ELF5: variants seen among roughly 807,000 people sequenced by gnomAD.
ELF5 encodes the protein E74 like ETS transcription factor 5, also known as ETS-related transcription factor Elf-5.
Under a neutral mutation model 38.2 loss-of-function variants are expected in ELF5, and 31 were observed. The observed-to-expected ratio is 0.81, with a 90% CI of 0.61 to 1.10. ELF5 has a LOEUF of 1.10. ELF5 is among the 50% of genes least tolerant of loss of function. The pLI is 0.00. For missense variants in ELF5, 300 were observed against 306.6 expected, an observed-to-expected ratio of 0.98 and a Z score of 0.16; for synonymous variants, 121 against 112.5, an observed-to-expected ratio of 1.08 and a Z score of -0.48.
At chr11:34,481,824 G>A (rs567693732) in intron 5 of ELF5, among the ~76,000 whole-genome samples, 2 of 152,240 alleles carry the variant, frequency 1.3e-5, no homozygotes, top group South Asian at 4.2e-4. Flanking sequence ...TCTATAAAAT[G>A]GGATAATAAA....
intron 1 of ELF5, among the ~76,000 whole-genome samples, chr11:34,509,945 G>C (rs1850711842): frequency 6.6e-6 from 1 of 152,068 alleles, no homozygotes; most frequent in South Asian, 2.1e-4. Flanking sequence ...GTGGGAATGA[G>C]ATCTTCCTCA....
Position 34,493,474 on chromosome 11 carries a change from C to T in ELF5, c.355+5G>A, listed in dbSNP as rs761994701. 1 of 1,612,718 alleles carries T rather than the reference C, an allele frequency of 6.2e-7. No homozygotes were observed. Among genetic ancestry groups the T allele is most frequent in the East Asian group, 2.2e-5 (1 of 44,856 alleles). The stretch of plus-strand genomic sequence containing the variant: ...CCCTGGAGGTCTGGCCCTCTGAACA[C>T]TGACCTTGTGTGCGGATGTTCTGGA... On this transcript the variant is annotated splice_donor_5th_base_variant and intron_variant, in intron 3 of 6. Coordinates refer to ENST00000257832, the MANE Select transcript of ELF5 (RefSeq NM_001422.4).
chr11:34,480,516 C>A (rs750738568), intron 6 of ELF5, among the ~76,000 whole-genome samples: 7 of 152,094 alleles, frequency 4.6e-5, no homozygotes, highest in Non-Finnish European at 8.8e-5. Context: ...CAGCTCAAAA[C>A]GTGTTTTTCT....
chr11:34,488,970 G>A (rs1169697690), intron 4 of ELF5, among the ~76,000 whole-genome samples: 1 of 152,166 alleles, frequency 6.6e-6, no homozygotes, highest in Non-Finnish European at 1.5e-5. Flanking sequence ...ACCAGCACCA[G>A]GAAACAGTGT....
chr11:34,485,846 A>G (rs1329175819), intron 4 of ELF5, among the ~76,000 whole-genome samples: 1 of 151,854 alleles, frequency 6.6e-6, no homozygotes, highest in African/African-American at 2.4e-5. Context: ...TGGGTGGTGG[A>G]TCTGTAGCAC....
chr11:34,480,809 C>A lies in ELF5; in HGVS notation c.634G>T (p.Asp212Tyr). 6.2e-7 allele frequency: 1 copy of A among 1,614,000 alleles called. No homozygotes were observed. Among genetic ancestry groups the A allele is most frequent in the Non-Finnish European group, 8.5e-7 (1 of 1,179,990 alleles). ...CTCAACTTTTCATATGTCATTCTGT[C>A]ATTTTTCTTCCTTTGTCCCCACATC... The part of the protein sequence containing the change: ...AKMWGQRKKN[D>Y]RMTYEKLSRA... Residue 212 changes from aspartate (D) to tyrosine (Y), a missense_variant, in exon 6 of 7, where the codon GAC (aspartate) becomes TAC (tyrosine). Transcript: ENST00000257832.
At chr11:34,509,467 C>T (rs1448319559) in intron 1 of ELF5, among the ~76,000 whole-genome samples, 3 of 152,198 alleles carry the variant, frequency 2.0e-5, no homozygotes, top group Admixed American at 2.0e-4. Flanking sequence ...TGGGAAGTCT[C>T]TTTGCTGATG....
At position 34,504,400 on chromosome 11, in the gene ELF5, C is replaced by CAT. The variant is rs376234420; in HGVS notation, c.121+1228_121+1229insAT. Among the ~76,000 whole-genome samples the CAT allele has an allele frequency of 6.9e-3, 1,041 of 151,714 alleles. 10 individuals are homozygous for CAT. The highest frequency in any genetic ancestry group is 0.023 in the African/African-American group (944 of 41,364). The stretch of plus-strand genomic sequence containing the variant: ...ATGAGGGTGAGAGATTTCACATGTG[C>CAT]GTGTGTGTGTGTGCACGCGTGTGTG... On this transcript the variant is annotated intron_variant, in intron 2 of 6. Coordinates refer to ENST00000257832, the MANE Select transcript of ELF5 (RefSeq NM_001422.4).
At chr11:34,490,096 C>A in intron 3 of ELF5, 37 bp from the exon 4 acceptor site, 2 of 1,610,816 alleles carry the variant, frequency 1.2e-6, no homozygotes, top group Non-Finnish European at 1.7e-6. Context: ...CCATACCATG[C>A]AATCCTGGTT....
chr11:34,507,581 C>T (rs7937867), intron 1 of ELF5, among the ~76,000 whole-genome samples: 182 of 152,336 alleles, frequency 1.2e-3, no homozygotes, highest in African/African-American at 4.1e-3. Context: ...CTAGGGCCCC[C>T]GCTTGCACAC....
At chr11:34,486,189 A>G (rs537818303) in intron 4 of ELF5, among the ~76,000 whole-genome samples, 28 of 152,276 alleles carry the variant, frequency 1.8e-4, no homozygotes, top group African/African-American at 5.5e-4. Context: ...CCCACACCCC[A>G]TGCCAGGCTG....
At position 34,484,482 on chromosome 11, in the gene ELF5, A is replaced by ATCCTATCCTATCCTATC. The variant is rs1857028910; in HGVS notation, c.407-1984_407-1983insGATAGGATAGGATAGGA. Among the ~76,000 whole-genome samples the ATCCTATCCTATCCTATC allele has an allele frequency of 3.3e-4, 7 of 21,200 alleles. No homozygotes were observed. In the East Asian group the frequency reaches 6.5e-3, roughly 20 times the overall value. 13.9% of individuals were successfully genotyped at this position (21,200 alleles called of 152,430 possible). ...TACTGTACTGTGCTACACTATACTA[A>ATCCTATCCTATCCTATC]CTATACTATACTATACTATACTATA... On this transcript the variant is annotated intron_variant, in intron 4 of 6. Transcript: ENST00000257832.
At chr11:34,499,588 A>G (rs1365470618) in intron 2 of ELF5, among the ~76,000 whole-genome samples, 1 of 152,192 alleles carries the variant, frequency 6.6e-6, no homozygotes, top group African/African-American at 2.4e-5. Context: ...AGAATGCAAA[A>G]TTTGCAGGTT....
At chr11:34,483,999 C>T (rs1857002664) in intron 4 of ELF5, among the ~76,000 whole-genome samples, 1 of 151,466 alleles carries the variant, frequency 6.6e-6, no homozygotes, top group African/African-American at 2.4e-5. Context: ...CTGTACTATA[C>T]TATATTAACT....
chr11:34,503,781 T>C (rs1850536529), intron 2 of ELF5, among the ~76,000 whole-genome samples: 1 of 152,238 alleles, frequency 6.6e-6, no homozygotes, highest in Non-Finnish European at 1.5e-5. Context: ...CAGTTATGTG[T>C]GCTTACCAGG....
intron 1 of ELF5, among the ~76,000 whole-genome samples, chr11:34,509,486 G>A (rs1850698258): frequency 6.6e-6 from 1 of 152,154 alleles, no homozygotes; most frequent in African/African-American, 2.4e-5. Flanking sequence ...TGCCTGGAGA[G>A]GGTTAATGTG....
chr11:34,511,597 GT>G, intron 1 of ELF5: 1 of 1,614,216 alleles, frequency 6.2e-7, no homozygotes. Context: ...GATGCCTCCA[GT>G]GGCTTCTGAA....
chr11:34,490,773 C>T (rs1850149615), intron 3 of ELF5, among the ~76,000 whole-genome samples: 1 of 152,190 alleles, frequency 6.6e-6, no homozygotes, highest in African/African-American at 2.4e-5. Flanking sequence ...CTAATCTCTA[C>T]TTGCTAAGCA....
chr11:34,497,864 C>T (rs1850354712), intron 2 of ELF5, among the ~76,000 whole-genome samples: 1 of 152,224 alleles, frequency 6.6e-6, no homozygotes, highest in Non-Finnish European at 1.5e-5. Flanking sequence ...AACAATCTGA[C>T]AGGCTTTTGG....
Sources: gnomAD v4.1 joint callset for allele counts (sites outside exome capture counted in the v4.1 genomes callset) on GRCh38, gnomAD v4.1.1 for gene constraint, MANE v1.5 for transcripts, NCBI Gene and HGNC (gene_info 2026-07-23, HGNC 2026-07-21) for gene names.